Variants in IFI16 observed in about 807,000 individuals in gnomAD.
The protein encoded by IFI16 is gamma-interferon-inducible protein 16.
IFI16 carries 49 observed loss-of-function variants against 68.4 expected under a neutral mutation model. That is an observed-to-expected ratio of 0.72 (90% CI 0.57 to 0.91). The LOEUF is 0.91. IFI16 is among the 40% of genes least tolerant of loss of function. IFI16 has a pLI of 0.00. For missense variants in IFI16, 878 were observed against 942.9 expected, an observed-to-expected ratio of 0.93 and a Z score of 0.90; for synonymous variants, 307 against 315.0, an observed-to-expected ratio of 0.97 and a Z score of 0.27.
At chr1:159,021,610 A>G (rs1653317079) in intron 6 of IFI16, among the ~76,000 whole-genome samples, 1 of 152,168 alleles carries the variant, frequency 6.6e-6, no homozygotes, top group Admixed American at 6.5e-5. Flanking sequence ...TCCTCTGGGT[A>G]GATACCCAGT....
chr1:159,014,938 G>C lies in IFI16; in HGVS notation c.258G>C (p.Lys86Asn). 3.7e-6 allele frequency: 6 copies of C among 1,604,272 alleles called. No homozygotes were observed. The highest frequency in any genetic ancestry group is 5.1e-6 in the Non-Finnish European group (6 of 1,176,056). Residue 86 changes from lysine (K) to asparagine (N), a missense_variant, in exon 2 of 12, where the codon AAG (lysine) becomes AAC (asparagine). Physicochemically the swap from Lys to Asn is moderately conservative, Grantham distance 94. Coordinates refer to ENST00000295809, the MANE Select transcript of IFI16 (RefSeq NM_001376587.1). Reference sequence around the variant, plus strand: ...TGGCTGAAACTCTTAAAAAAGAAAAGTTAAAAGGTAATTGGGAAGAGGGAA... The same window carrying C: ...TGGCTGAAACTCTTAAAAAAGAAAACTTAAAAGGTAATTGGGAAGAGGGAA... ...EDLAETLKKE[K>N]LKVKGPALSR...
chr1:159,029,539 G>A (rs996343535), intron 6 of IFI16, among the ~76,000 whole-genome samples: 10 of 152,134 alleles, frequency 6.6e-5, no homozygotes, highest in Admixed American at 4.6e-4. Context: ...AGATCTCTAG[G>A]AAAGCCAGGG....
At chr1:159,041,536 TATAA>T (rs1174898590) in intron 7 of IFI16, among the ~76,000 whole-genome samples, 1 of 152,168 alleles carries the variant, frequency 6.6e-6, no homozygotes, top group South Asian at 2.1e-4. Flanking sequence ...CAGGTTTACT[TATAA>T]ATACTCCTCA....
At chr1:159,048,973 A>C (rs2101922613) in intron 8 of IFI16, among the ~76,000 whole-genome samples, 1 of 151,520 alleles carries the variant, frequency 6.6e-6, no homozygotes, top group Admixed American at 6.6e-5. Flanking sequence ...TATGGCTACG[A>C]TCAGAGATCC....
chr1:159,034,271 G>T (rs1417802), intron 7 of IFI16, among the ~76,000 whole-genome samples: 150,291 of 152,242 alleles, frequency 0.99, 74,208 homozygotes, highest in East Asian at 1. Context: ...CAAGTAAAAT[G>T]TATGTGATTA....
upstream of IFI16, among the ~76,000 whole-genome samples, chr1:159,003,927 T>C (rs1448077145): frequency 6.6e-6 from 1 of 152,168 alleles, no homozygotes; most frequent in Non-Finnish European, 1.5e-5. Flanking sequence ...CCCAAAGTGC[T>C]GGGATTACAG....
chr1:159,002,147 T>C (rs577700414), upstream of IFI16, among the ~76,000 whole-genome samples: 88 of 152,272 alleles, frequency 5.8e-4, no homozygotes, highest in Non-Finnish European at 9.4e-4. Flanking sequence ...AGTCTCTCAA[T>C]TGTTACATTT....
intron 6 of IFI16, among the ~76,000 whole-genome samples, chr1:159,024,216 C>A (rs920628520): frequency 5.3e-5 from 8 of 152,094 alleles, no homozygotes; most frequent in Non-Finnish European, 1.0e-4. Context: ...CAATAGACAA[C>A]CTAGTTTTAT....
intron 4 of IFI16, among the ~76,000 whole-genome samples, chr1:159,017,251 G>A (rs1652991269): frequency 6.6e-6 from 1 of 152,184 alleles, no homozygotes; most frequent in African/African-American, 2.4e-5. Flanking sequence ...ATGGTGGTGG[G>A]AATGACACTC....
At chr1:159,026,917 T>A (rs1403775167) in intron 6 of IFI16, among the ~76,000 whole-genome samples, 1 of 152,190 alleles carries the variant, frequency 6.6e-6, no homozygotes, top group African/African-American at 2.4e-5. Context: ...TTACCAATTC[T>A]AGGAGCTTTT....
intron 10 of IFI16, chr1:159,052,398 T>C: frequency 3.4e-6 from 1 of 292,848 alleles, no homozygotes; most frequent in Non-Finnish European, 6.5e-6. Context: ...AGTGCAGAGT[T>C]TATATCAACA....
At chr1:159,021,256 C>A (rs1430887033) in intron 6 of IFI16, among the ~76,000 whole-genome samples, 3 of 152,164 alleles carry the variant, frequency 2.0e-5, no homozygotes, top group Admixed American at 6.5e-5. Flanking sequence ...CCCCCTCCCA[C>A]TCTTTCCCCT....
intron 6 of IFI16, among the ~76,000 whole-genome samples, chr1:159,028,792 T>C (rs186046836): frequency 1.2e-5 from 1 of 84,704 alleles, no homozygotes. Flanking sequence ...TGCTTTAAAG[T>C]TTGTTTTTTG....
chr1:159,038,603 G>A (rs1006455551), intron 7 of IFI16, among the ~76,000 whole-genome samples: 4 of 152,186 alleles, frequency 2.6e-5, no homozygotes, highest in Non-Finnish European at 4.4e-5. Flanking sequence ...TTGGCCTCAA[G>A]TGATTCTCCT....
At position 159,015,968 on chromosome 1, in the gene IFI16, A is replaced by G. The variant is rs1348098206; in HGVS notation, c.362A>G (p.Glu121Gly). The change falls in exon 3 of 12, where the codon GAG becomes GGG. Residue 121 changes from glutamate (E) to glycine (G), a missense_variant. By Grantham distance (98) the Glu-to-Gly change is moderately conservative (BLOSUM62 -2). This residue lies in a region of IFI16 where 443 missense variants were observed against 421.8 expected (regional missense o/e 1.05). Transcript: ENST00000295809. ...TSSTVKTEGA[E>G]ATPGAQKRKK... is the part of the protein sequence containing the mutation. ...AGCACTGTCAAAACTGAAGGAGCAGAGGCAACTCCTGGAGCTCAGGTAAGC... is the reference window on the plus strand; with the variant it reads ...AGCACTGTCAAAACTGAAGGAGCAGGGGCAACTCCTGGAGCTCAGGTAAGC... The G allele has an allele frequency of 1.2e-6, 2 of 1,613,512 alleles. No individual in the cohort carries two copies. The highest frequency in any genetic ancestry group is 1.7e-5 in the Admixed American group (1 of 60,002).
Position 159,053,587 on chromosome 1 carries a change from A to G in IFI16, c.2140A>G (p.Met714Val). The G allele has an allele frequency of 6.2e-7, 1 of 1,613,610 alleles. No individual in the cohort carries two copies. The highest frequency in any genetic ancestry group is 8.5e-7 in the Non-Finnish European group (1 of 1,179,534). The change falls in exon 11 of 12, where the codon ATG (methionine) becomes GTG (valine). Residue 714 changes from methionine to valine, a missense_variant. Physicochemically the swap from Met to Val is conservative, Grantham distance 21. This residue lies in a region of IFI16 where 311 missense variants were observed against 305.1 expected (regional missense o/e 1.02). Transcript: ENST00000295809. ...YYEIQDNTGK[M>V]EVVVHGRLTT... ...TGAAATACAAGATAATACAGGGAAG[A>G]TGGAAGTGGTGGTGCATGGACGACT...
chr1:159,036,783 GA>G (rs1358136358), intron 7 of IFI16, among the ~76,000 whole-genome samples: 3 of 152,082 alleles, frequency 2.0e-5, no homozygotes, highest in Admixed American at 2.0e-4. Flanking sequence ...TAAGTCAAAA[GA>G]AAAACTAGAT....
intron 6 of IFI16, among the ~76,000 whole-genome samples, chr1:159,030,031 A>G (rs1653907071): frequency 6.6e-6 from 1 of 151,982 alleles, no homozygotes; most frequent in South Asian, 2.1e-4. Flanking sequence ...AGATTGAGTT[A>G]ATTCACAAGC....
chr1:159,017,874 C>A (rs1327525664), intron 4 of IFI16, among the ~76,000 whole-genome samples: 1 of 152,174 alleles, frequency 6.6e-6, no homozygotes, highest in Non-Finnish European at 1.5e-5. Context: ...TTTCAAAGTG[C>A]TGAGATTACA....
Sources: allele counts gnomAD v4.1 joint callset (sites outside exome capture counted in the v4.1 genomes callset), GRCh38; gene constraint gnomAD v4.1.1; regional missense constraint gnomAD v4.1.1; transcripts MANE v1.5; gene names NCBI Gene and HGNC (gene_info 2026-07-23, HGNC 2026-07-21).